Variants in ADGRA3 observed in about 807,000 individuals in gnomAD.
The protein encoded by ADGRA3 is adhesion G protein-coupled receptor A3.
Under a neutral mutation model 119.8 loss-of-function variants are expected in ADGRA3, and 56 were observed. That is an observed-to-expected ratio of 0.47 (90% confidence interval 0.38 to 0.58). The LOEUF (loss-of-function observed/expected upper bound fraction) is 0.58, where lower values mean the gene tolerates loss of function less well. Among genes scored for constraint, ADGRA3 ranks in the 20% least tolerant of loss-of-function variants. The pLI is 0.00. For synonymous variants in ADGRA3, 607 were observed against 623.8 expected (o/e 0.97, Z 0.40); for missense variants, 1,516 against 1,649.0 (o/e 0.92, Z 1.40).
chr4:22,417,055 T>C (rs189870518), intron 12 of ADGRA3, among the ~76,000 whole-genome samples: 14 of 152,300 alleles, frequency 9.2e-5, no homozygotes, highest in Non-Finnish European at 1.5e-4. Context: ...AATACTAATT[T>C]ATCTATGTTT....
chr4:22,420,285 C>T (rs1715599553), intron 12 of ADGRA3: 1 of 152,352 alleles, frequency 6.6e-6, no homozygotes, highest in Non-Finnish European at 1.5e-5. Context: ...CCTCTATTTG[C>T]TTCAATACAG....
chr4:22,473,855 CA>C lies in ADGRA3; in HGVS notation c.258-13del. On this transcript the variant is annotated splice_polypyrimidine_tract_variant and intron_variant, in intron 1 of 18. Transcript: ENST00000334304. ...TGTTACTCAGAATCCTAAAAAATAC[CA>C]AAAAAATAATAAGTTGCCTAATATA... 11 of 1,559,634 alleles carry C rather than the reference CA, an allele frequency of 7.1e-6. No homozygotes were observed. The highest frequency in any genetic ancestry group is 2.3e-5 in the East Asian group (1 of 44,368).
intron 10 of ADGRA3, among the ~76,000 whole-genome samples, chr4:22,429,876 GT>G (rs1195836240): frequency 6.6e-6 from 1 of 152,156 alleles, no homozygotes; most frequent in Non-Finnish European, 1.5e-5. Flanking sequence ...TGGTTTGGCT[GT>G]GTCCCCACCA....
Position 22,387,573 on chromosome 4 carries a change from C to A in ADGRA3, c.*132G>T. 1.1e-6 allele frequency: 1 copy of A among 874,676 alleles called. No individual in the cohort carries two copies. The highest frequency in any genetic ancestry group is 2.7e-5 in the East Asian group (1 of 37,016). 54.2% of individuals were successfully genotyped at this position (874,676 alleles called of 1,614,324 possible). ...TTTGGGGATAAAAATAAGTAAAATC[C>A]AAAACTTCAAAGTTTATTCCAAATT... On this transcript the variant is annotated 3_prime_UTR_variant, in exon 19 of 19. Transcript: ENST00000334304.
chr4:22,431,146 G>C (rs1367652900), intron 10 of ADGRA3, among the ~76,000 whole-genome samples: 6 of 152,180 alleles, frequency 3.9e-5, no homozygotes, highest in Non-Finnish European at 7.3e-5. Context: ...GGGAAATGTG[G>C]GGTCAGAGCG....
chr4:22,449,626 T>G (rs1716959746), intron 4 of ADGRA3, among the ~76,000 whole-genome samples: 1 of 152,006 alleles, frequency 6.6e-6, no homozygotes, highest in African/African-American at 2.4e-5. Flanking sequence ...GTGGGCAGAT[T>G]GCCTGTGGTG....
At chr4:22,510,954 A>G (rs1436611983) in intron 1 of ADGRA3, among the ~76,000 whole-genome samples, 1 of 152,194 alleles carries the variant, frequency 6.6e-6, no homozygotes, top group Non-Finnish European at 1.5e-5. Flanking sequence ...CAATACGAGC[A>G]TTTCTTTTCT....
At position 22,515,773 on chromosome 4, in the gene ADGRA3, G is replaced by T. The variant is rs1719644635; in HGVS notation, c.12C>A (p.Pro4=). Reference sequence around the variant, plus strand: ...GCTGCGCGCGGCCCCGCCGGCGTCCGGGTGGCTCCATGCTGCGGGCCGGGG... The same window carrying T: ...GCTGCGCGCGGCCCCGCCGGCGTCCTGGTGGCTCCATGCTGCGGGCCGGGG... MEP[P]GRRRGRAQPP... is the part of the protein sequence containing the mutation. Residue 4 remains proline, a synonymous_variant, in exon 1 of 19, where the codon CCC becomes CCA. Transcript: ENST00000334304. 3.0e-6 allele frequency: 3 copies of T among 1,015,770 alleles called. No homozygotes were observed. Among genetic ancestry groups the T allele is most frequent in the South Asian group, 8.5e-5 (2 of 23,420 alleles). 62.9% of individuals were successfully genotyped at this position (1,015,770 alleles called of 1,614,324 possible). A position where few individuals can be genotyped will look rare whatever the true frequency, so the allele number is the denominator to read the frequency against.
At chr4:22,430,933 G>A (rs1401470833) in intron 10 of ADGRA3, among the ~76,000 whole-genome samples, 1 of 152,212 alleles carries the variant, frequency 6.6e-6, no homozygotes, top group Non-Finnish European at 1.5e-5. Flanking sequence ...TACAGCTTGG[G>A]CTGCTGCTTC....
In ADGRA3 at chr4:22,498,857, T is replaced by C. The variant is rs148942863; in HGVS notation, c.257+16671A>G. On this transcript the variant is annotated intron_variant, in intron 1 of 18. Transcript: ENST00000334304. The stretch of plus-strand genomic sequence containing the variant: ...TGAACCCGGCAGGTAGAGGTTTCAG[T>C]GAGCAGAGATCACACCACTGCGCTC... 6.9e-3 allele frequency among the ~76,000 whole-genome samples: 1,052 copies of C among 151,422 alleles called. 42 individuals are homozygous for C. In the East Asian group the frequency reaches 0.094, roughly 14 times the overall value.
At position 22,457,208 on chromosome 4, in the gene ADGRA3, C is replaced by A. The variant is rs1434753726; in HGVS notation, c.402-2271G>T. ...GATAAAACAAGAGAAACTGATGGAT[C>A]TAGGGTTCACCTACTTCTGATAGTA... On this transcript the variant is annotated intron_variant, in intron 3 of 18. Coordinates refer to ENST00000334304, the MANE Select transcript of ADGRA3 (RefSeq NM_145290.4). Among the ~76,000 whole-genome samples, 3 of 152,148 alleles carry A rather than the reference C, an allele frequency of 2.0e-5. No homozygotes were observed. The East Asian group carries it at 5.8e-4, about 29-fold the overall frequency.
rs547734601 is a variant in ADGRA3, at chr4:22,457,274, T to A, written c.402-2337A>T. Among the ~76,000 whole-genome samples the A allele has an allele frequency of 2.0e-5, 3 of 152,350 alleles. No homozygotes were observed. In the East Asian group the frequency reaches 5.8e-4, roughly 29 times the overall value. ...CACTTCAACTTCCTAAATCAAATTA[T>A]TTATAAACTAAAGGCAAAGGCATGG... On this transcript the variant is annotated intron_variant, in intron 3 of 18. Coordinates refer to ENST00000334304, the MANE Select transcript of ADGRA3 (RefSeq NM_145290.4).
intron 6 of ADGRA3, among the ~76,000 whole-genome samples, chr4:22,443,332 T>C (rs574771546): frequency 1.3e-5 from 2 of 152,286 alleles, no homozygotes; most frequent in South Asian, 4.1e-4. Context: ...TATGTTAAGA[T>C]CCCATATACC....
At chr4:22,441,110 A>G (rs1716595575) in intron 7 of ADGRA3, among the ~76,000 whole-genome samples, 3 of 152,144 alleles carry the variant, frequency 2.0e-5, no homozygotes, top group Non-Finnish European at 4.4e-5. Flanking sequence ...TTTTTTTTTA[A>G]TGGCTTTTGC....
At chr4:22,462,579 T>C (rs147280142) in intron 2 of ADGRA3, among the ~76,000 whole-genome samples, 10 of 152,318 alleles carry the variant, frequency 6.6e-5, no homozygotes, top group Non-Finnish European at 1.0e-4. Context: ...TCTTTCAAAG[T>C]GCTGGGATTA....
chr4:22,470,053 T>C (rs891215145), intron 2 of ADGRA3, among the ~76,000 whole-genome samples: 2 of 152,210 alleles, frequency 1.3e-5, no homozygotes, highest in African/African-American at 4.8e-5. Context: ...GTTTGTTGAA[T>C]AAATTTAAAT....
intron 10 of ADGRA3, among the ~76,000 whole-genome samples, chr4:22,427,548 A>G (rs1184970655): frequency 1.3e-5 from 2 of 152,146 alleles, no homozygotes. Context: ...TTTTCTCATT[A>G]TTTCACTCCA....
At chr4:22,468,063 T>C (rs1205673016) in intron 2 of ADGRA3, among the ~76,000 whole-genome samples, 1 of 152,196 alleles carries the variant, frequency 6.6e-6, no homozygotes, top group Non-Finnish European at 1.5e-5. Context: ...CAGGCCTTTG[T>C]GGTTGGTTCC....
In ADGRA3 at chr4:22,395,631, C is replaced by T. The variant is rs138307386; in HGVS notation, c.2482-2941G>A. Among the ~76,000 whole-genome samples the T allele has an allele frequency of 4.7e-3, 716 of 152,260 alleles. 8 individuals are homozygous for T. Among genetic ancestry groups the T allele is most frequent in the African/African-American group, 0.016 (680 of 41,550 alleles). On this transcript the variant is annotated intron_variant, in intron 16 of 18. Coordinates refer to ENST00000334304, the MANE Select transcript of ADGRA3 (RefSeq NM_145290.4). ...AGCCCTTGCCCTTTCTTCTCCCCTACGGTGTCCACTACTAAGTACTAAAGC... is the reference window on the plus strand; with the variant it reads ...AGCCCTTGCCCTTTCTTCTCCCCTATGGTGTCCACTACTAAGTACTAAAGC...
Sources: allele counts gnomAD v4.1 joint callset (sites outside exome capture counted in the v4.1 genomes callset), GRCh38; gene constraint gnomAD v4.1.1; transcripts MANE v1.5; gene names NCBI Gene and HGNC (gene_info 2026-07-23, HGNC 2026-07-21).